Variants in BCAP29 observed in about 807,000 individuals in gnomAD.
The protein encoded by BCAP29 is B cell receptor associated protein 29, also known as B-cell receptor-associated protein 29.
A neutral mutation model predicts 31.8 loss-of-function variants in BCAP29; 34 were observed. The ratio of observed to expected loss-of-function variants is 1.07; its 90% CI spans 0.81 to 1.42. The LOEUF is 1.42. BCAP29 is among the 40% of genes most tolerant of loss of function. The probability of loss-of-function intolerance (pLI) is 0.00; values close to 1 mark genes in which losing one functional copy is unlikely to be tolerated. For missense variants in BCAP29, 314 were observed against 269.2 expected (o/e 1.17, Z -1.16); for synonymous variants, 104 against 91.3 (o/e 1.14, Z -0.79).
chr7:107,591,554 G>A (rs1439202906), intron 3 of BCAP29, among the ~76,000 whole-genome samples: 2 of 147,400 alleles, frequency 1.4e-5, no homozygotes, highest in Non-Finnish European at 3.0e-5. Context: ...ACGAGCATAT[G>A]AGCCAGTTCC....
At chr7:107,607,178 G>A (rs1040952248) in intron 6 of BCAP29, among the ~76,000 whole-genome samples, 1 of 152,150 alleles carries the variant, frequency 6.6e-6, no homozygotes, top group African/African-American at 2.4e-5. Flanking sequence ...TAACCGGATG[G>A]TAGTGGCACG....
intron 4 of BCAP29, 80 bp from the exon 5 acceptor site, chr7:107,595,787 G>A (rs1809700537): frequency 2.1e-6 from 3 of 1,426,780 alleles, no homozygotes; most frequent in Admixed American, 2.2e-5. Context: ...TATCTAATGG[G>A]GAGTAATTTG....
chr7:107,591,058 A>AAC (rs1040967138), intron 3 of BCAP29, among the ~76,000 whole-genome samples: 3 of 152,206 alleles, frequency 2.0e-5, no homozygotes, highest in Non-Finnish European at 4.4e-5. Flanking sequence ...CTTAGAAATA[A>AAC]ACTTTATAAA....
intron 3 of BCAP29, among the ~76,000 whole-genome samples, chr7:107,590,646 C>T (rs980088259): frequency 4.6e-5 from 7 of 151,766 alleles, no homozygotes; most frequent in Non-Finnish European, 1.0e-4. Context: ...GGCTAAACCC[C>T]GTCTCTACCA....
At chr7:107,604,841 T>C (rs1371954706) in intron 6 of BCAP29, among the ~76,000 whole-genome samples, 2 of 151,832 alleles carry the variant, frequency 1.3e-5, no homozygotes, top group Admixed American at 6.6e-5. Context: ...TAAGAAAGAA[T>C]AATATAGTTT....
At chr7:107,584,311 C>T (rs907561211) in intron 3 of BCAP29, among the ~76,000 whole-genome samples, 1 of 152,112 alleles carries the variant, frequency 6.6e-6, no homozygotes, top group South Asian at 2.1e-4. Context: ...CTGTGATGTC[C>T]TAGGCACCCA....
chr7:107,581,557 C>G (rs1471272152), intron 2 of BCAP29, among the ~76,000 whole-genome samples: 1 of 151,968 alleles, frequency 6.6e-6, no homozygotes, highest in Non-Finnish European at 1.5e-5. Context: ...AATTTTAGAT[C>G]CAGAAATTTG....
chr7:107,590,755 G>T (rs550782478), intron 3 of BCAP29, among the ~76,000 whole-genome samples: 2 of 151,492 alleles, frequency 1.3e-5, no homozygotes, highest in East Asian at 3.9e-4. Context: ...AGAGGTCAAG[G>T]CTGCAGTGAG....
At chr7:107,584,514 G>T (rs1387646976) in intron 3 of BCAP29, among the ~76,000 whole-genome samples, 1 of 152,074 alleles carries the variant, frequency 6.6e-6, no homozygotes, top group Non-Finnish European at 1.5e-5. Flanking sequence ...TTTGAGACTA[G>T]CCTGGGCAAC....
At position 107,583,955 on chromosome 7, in the gene BCAP29, A is replaced by G. The variant is rs907231584; in HGVS notation, c.166A>G (p.Ile56Val). 6.3e-7 allele frequency: 1 copy of G among 1,579,984 alleles called. No homozygotes were observed. Among genetic ancestry groups the G allele is most frequent in the Non-Finnish European group, 8.6e-7 (1 of 1,160,288 alleles). The change falls in exon 3 of 8, where the codon ATC becomes GTC. Residue 56 changes from isoleucine (I) to valine (V), a missense_variant. Transcript: ENST00000005259. ...TTGGAACAAGGCTTTCCTTACCATT[A>G]TCATCCTATTGATTGTTCTATTTCT... ...TFWNKAFLTI[I>V]ILLIVLFLDA...
At chr7:107,583,457 A>G (rs1009510278) in intron 2 of BCAP29, among the ~76,000 whole-genome samples, 2 of 152,182 alleles carry the variant, frequency 1.3e-5, no homozygotes, top group Non-Finnish European at 2.9e-5. Flanking sequence ...TGTACTATAT[A>G]AAAATCAGTA....
chr7:107,589,014 A>G (rs1349564647), intron 3 of BCAP29, among the ~76,000 whole-genome samples: 2 of 152,198 alleles, frequency 1.3e-5, no homozygotes, highest in Admixed American at 1.3e-4. Context: ...CCTTTCCACT[A>G]AAATCACAGA....
intron 3 of BCAP29, among the ~76,000 whole-genome samples, chr7:107,593,425 G>A (rs1040689271): frequency 3.3e-5 from 5 of 152,178 alleles, no homozygotes; most frequent in Non-Finnish European, 4.4e-5. Context: ...TGCACTAGTC[G>A]GAGGAGTGTA....
At chr7:107,599,001 ATC>A (rs869212361) in intron 5 of BCAP29, among the ~76,000 whole-genome samples, 3 of 52,652 alleles carry the variant, frequency 5.7e-5, no homozygotes, top group African/African-American at 1.4e-4. Context: ...ATATTTATAG[ATC>A]TACAAATTTA....
At chr7:107,611,992 A>G (rs1813209151) in intron 6 of BCAP29, among the ~76,000 whole-genome samples, 1 of 152,220 alleles carries the variant, frequency 6.6e-6, no homozygotes, top group Non-Finnish European at 1.5e-5. Context: ...AGAACATTTG[A>G]CAATACTGTC....
At chr7:107,597,579 T>G (rs559670029) in intron 5 of BCAP29, among the ~76,000 whole-genome samples, 29 of 152,330 alleles carry the variant, frequency 1.9e-4, no homozygotes, top group Non-Finnish European at 2.8e-4. Flanking sequence ...TTTTTAACTG[T>G]TAATTTTCAC....
At chr7:107,582,042 G>A (rs1186803855) in intron 2 of BCAP29, among the ~76,000 whole-genome samples, 1 of 152,148 alleles carries the variant, frequency 6.6e-6, no homozygotes, top group Non-Finnish European at 1.5e-5. Flanking sequence ...CTCTCATCCT[G>A]TAGGTTTTGT....
intron 7 of BCAP29, among the ~76,000 whole-genome samples, chr7:107,617,276 A>C (rs1814357367): frequency 6.6e-6 from 1 of 152,224 alleles, no homozygotes; most frequent in Non-Finnish European, 1.5e-5. Context: ...ACGAAAGATC[A>C]TTAAAATATT....
intron 6 of BCAP29, among the ~76,000 whole-genome samples, chr7:107,605,452 A>G (rs1811918758): frequency 6.6e-6 from 1 of 152,220 alleles, no homozygotes; most frequent in Admixed American, 6.5e-5. Flanking sequence ...ACATGAGTGG[A>G]GAGTGCTAAA....
Sources: allele counts gnomAD v4.1 joint callset (sites outside exome capture counted in the v4.1 genomes callset), GRCh38; gene constraint gnomAD v4.1.1; transcripts MANE v1.5; gene names NCBI Gene and HGNC (gene_info 2026-07-23, HGNC 2026-07-21).